HS3ST4: variants seen among roughly 807,000 people sequenced by gnomAD.
The protein encoded by HS3ST4 is heparan sulfate-glucosamine 3-sulfotransferase 4, also known as heparan sulfate glucosamine 3-O-sulfotransferase 4.
Under a neutral mutation model 29.2 loss-of-function variants are expected in HS3ST4, and 17 were observed. The ratio of observed to expected loss-of-function variants is 0.58; its 90% CI spans 0.40 to 0.87. HS3ST4 has a LOEUF of 0.87. HS3ST4 is among the 40% of genes least tolerant of loss of function. HS3ST4 has a pLI of 0.00. For synonymous variants in HS3ST4, 314 were observed against 285.7 expected (o/e 1.10, Z -1.00); for missense variants, 627 against 634.5 (o/e 0.99, Z 0.13).
intron 1 of HS3ST4, among the ~76,000 whole-genome samples, chr16:25,949,998 C>T (rs777859157): frequency 1.4e-4 from 20 of 146,580 alleles, no homozygotes; most frequent in Non-Finnish European, 2.7e-4. Flanking sequence ...CGCCCAGTAC[C>T]TCCTAGTGCA....
chr16:25,892,168 A>C (rs1318878458), intron 1 of HS3ST4, among the ~76,000 whole-genome samples: 1 of 152,174 alleles, frequency 6.6e-6, no homozygotes, highest in East Asian at 1.9e-4. Flanking sequence ...TCTGACCTCA[A>C]AAGAATGTGA....
At chr16:25,903,020 CAA>C (rs768153842) in intron 1 of HS3ST4, among the ~76,000 whole-genome samples, 21 of 120,118 alleles carry the variant, frequency 1.7e-4, no homozygotes, top group Middle Eastern at 4.3e-3. Flanking sequence ...GACTCTGCCT[CAA>C]AAAAAAAAAA....
At chr16:26,094,719 T>C (rs1006412747) in intron 1 of HS3ST4, among the ~76,000 whole-genome samples, 1 of 152,128 alleles carries the variant, frequency 6.6e-6, no homozygotes, top group African/African-American at 2.4e-5. Context: ...ATGGGCAAAA[T>C]AACTAGCTAA....
In HS3ST4 at chr16:25,749,570, AG is replaced by A. The variant is rs1364765241; in HGVS notation, c.734+56420del. On this transcript the variant is annotated intron_variant, in intron 1 of 1. Coordinates refer to ENST00000331351, the MANE Select transcript of HS3ST4 (RefSeq NM_006040.3). ...AAGAAGAAGAGGGAGAGGAAGAGGA[AG>A]AAGAAGAAGAAGGAGAAGCTGGAAC... is the stretch of plus-strand genomic sequence containing the variant. Among the ~76,000 whole-genome samples the A allele has an allele frequency of 3.3e-5, 5 of 152,042 alleles. No homozygotes were observed. In the East Asian group the frequency reaches 7.7e-4, roughly 23 times the overall value.
chr16:25,986,565 T>A (rs1165507042), intron 1 of HS3ST4, among the ~76,000 whole-genome samples: 1 of 152,238 alleles, frequency 6.6e-6, no homozygotes, highest in Non-Finnish European at 1.5e-5. Context: ...GCAGCCCTCG[T>A]TGACTTTGCA....
At chr16:25,701,068 G>C (rs1236942498) in intron 1 of HS3ST4, among the ~76,000 whole-genome samples, 1 of 152,150 alleles carries the variant, frequency 6.6e-6, no homozygotes, top group African/African-American at 2.4e-5. Flanking sequence ...GGATCCAGGG[G>C]CTCAAATGAT....
At chr16:25,754,490 T>A (rs1312342043) in intron 1 of HS3ST4, among the ~76,000 whole-genome samples, 1 of 151,446 alleles carries the variant, frequency 6.6e-6, no homozygotes, top group Admixed American at 6.6e-5. Context: ...TACCCATCTG[T>A]ACTAGCCCAT....
At chr16:25,789,784 CCA>C in intron 1 of HS3ST4, among the ~76,000 whole-genome samples, 1 of 152,148 alleles carries the variant, frequency 6.6e-6, no homozygotes, top group Non-Finnish European at 1.5e-5. Context: ...GCTTCTATTT[CCA>C]CAGATTAATA....
At chr16:25,911,764 C>T (rs1397350149) in intron 1 of HS3ST4, among the ~76,000 whole-genome samples, 3 of 152,012 alleles carry the variant, frequency 2.0e-5, no homozygotes, top group Admixed American at 6.6e-5. Flanking sequence ...CTGCCTTGGC[C>T]TCCCAAAGCG....
At chr16:26,016,042 AG>A (rs1298080574) in intron 1 of HS3ST4, among the ~76,000 whole-genome samples, 1 of 152,216 alleles carries the variant, frequency 6.6e-6, no homozygotes, top group Non-Finnish European at 1.5e-5. Context: ...GCAAAGAGAT[AG>A]CTGCCCCAAA....
At chr16:26,076,034 C>T (rs1490266617) in intron 1 of HS3ST4, among the ~76,000 whole-genome samples, 11 of 152,154 alleles carry the variant, frequency 7.2e-5, no homozygotes, top group Non-Finnish European at 4.4e-5. Context: ...CAACCTTCAC[C>T]ACTAGTCAGT....
chr16:25,795,813 C>T (rs781149093), intron 1 of HS3ST4, among the ~76,000 whole-genome samples: 3 of 152,050 alleles, frequency 2.0e-5, no homozygotes, highest in African/African-American at 4.8e-5. Flanking sequence ...ATCTTTTGTT[C>T]GAGTCCAATC....
intron 1 of HS3ST4, among the ~76,000 whole-genome samples, chr16:25,746,555 G>T (rs199820004): frequency 0.031 from 4,418 of 143,662 alleles, 194 homozygotes; most frequent in East Asian, 0.17. Context: ...CAATTGGTTG[G>T]TTTTTTTTTT....
chr16:26,041,325 G>T (rs1969634395), intron 1 of HS3ST4, among the ~76,000 whole-genome samples: 1 of 151,906 alleles, frequency 6.6e-6, no homozygotes, highest in Non-Finnish European at 1.5e-5. Context: ...GGGCAACAGA[G>T]TGAGGCTATG....
At chr16:25,940,270 A>AAACTTAAC (rs1968559985) in intron 1 of HS3ST4, among the ~76,000 whole-genome samples, 1 of 69,572 alleles carries the variant, frequency 1.4e-5, no homozygotes, top group Non-Finnish European at 3.1e-5. Flanking sequence ...TCTGATGATT[A>AAACTTAAC]AGCTATTCTG....
intron 1 of HS3ST4, among the ~76,000 whole-genome samples, chr16:26,085,657 G>C (rs1321598222): frequency 6.6e-6 from 1 of 152,080 alleles, no homozygotes; most frequent in Non-Finnish European, 1.5e-5. Context: ...GATTTCTTGA[G>C]ATCATGACTT....
intron 1 of HS3ST4, among the ~76,000 whole-genome samples, chr16:25,821,637 GC>G (rs1338985331): frequency 6.6e-6 from 1 of 151,880 alleles, no homozygotes; most frequent in African/African-American, 2.4e-5. Context: ...TTTTAGAAAG[GC>G]TTTCGCTGCT....
intron 1 of HS3ST4, among the ~76,000 whole-genome samples, chr16:25,738,711 C>T (rs1375768040): frequency 1.3e-5 from 2 of 152,228 alleles, no homozygotes; most frequent in South Asian, 2.1e-4. Context: ...ACTTATTCAC[C>T]GTGTGGATGA....
intron 1 of HS3ST4, among the ~76,000 whole-genome samples, chr16:25,806,508 T>A (rs140458141): frequency 1.7e-4 from 26 of 152,370 alleles, no homozygotes; most frequent in African/African-American, 6.3e-4. Context: ...GCACTTGTAC[T>A]GTGATAGTGA....
Sources: gnomAD v4.1 joint callset for allele counts (sites outside exome capture counted in the v4.1 genomes callset) on GRCh38, gnomAD v4.1.1 for gene constraint, MANE v1.5 for transcripts, NCBI Gene and HGNC (gene_info 2026-07-23, HGNC 2026-07-21) for gene names.